PLEKHF1: variants seen among roughly 807,000 people sequenced by gnomAD.
PLEKHF1 encodes the protein pleckstrin homology and FYVE domain containing 1, also known as pleckstrin homology domain-containing family F member 1.
In PLEKHF1, 1 loss-of-function variant was observed where a neutral mutation model predicts 4.1. That is an observed-to-expected ratio of 0.24 (90% CI 0.09 to 1.15). PLEKHF1 has a LOEUF of 1.15. Among genes scored for constraint, PLEKHF1 ranks in the 50% most tolerant of loss-of-function variants. The pLI, the probability that PLEKHF1 is intolerant of heterozygous loss-of-function variation, is 0.52. For synonymous variants in PLEKHF1, 182 were observed against 178.5 expected (o/e 1.02, Z -0.16); for missense variants, 429 against 400.6 (o/e 1.07, Z -0.60).
intron 1 of PLEKHF1, among the ~76,000 whole-genome samples, chr19:29,666,688 G>A (rs573962486): frequency 2.0e-5 from 3 of 152,352 alleles, no homozygotes; most frequent in African/African-American, 4.8e-5. Flanking sequence ...TTTTGGAGCC[G>A]AGCTTCCTGA....
At chr19:29,668,416 TA>T (rs57550573) in intron 1 of PLEKHF1, among the ~76,000 whole-genome samples, 8,056 of 141,204 alleles carry the variant, frequency 0.057, 247 homozygotes, top group East Asian at 0.12. Context: ...TGAGAACAAT[TA>T]AAAAAAAAAA....
rs755803777 is a variant in PLEKHF1 at position 29,674,644 on chromosome 19, G to C, written c.805G>C (p.Ala269Pro). Residue 269 changes from alanine (A) to proline (P), a missense_variant, in exon 2 of 2, where the codon GCC becomes CCC. Coordinates refer to ENST00000436066, the MANE Select transcript of PLEKHF1 (RefSeq NM_024310.5). ...CTGGCCCAGCAGCGTGGAGTTCTAC[G>C]CCTCGGGGGTGGCCTGGTCTGCCTT... ...GDWPSSVEFY[A>P]SGVAWSAFHS is the part of the protein sequence containing the mutation. The C allele has an allele frequency of 6.2e-7, 1 of 1,609,506 alleles. No homozygotes were observed. The highest frequency in any genetic ancestry group is 8.5e-7 in the Non-Finnish European group (1 of 1,178,640).
rs774850981 is a variant in PLEKHF1, at chr19:29,674,023, C to T, written c.184C>T (p.Leu62=). The change falls in exon 2 of 2, where the codon CTG becomes TTG. Residue 62 remains leucine, a synonymous_variant. Transcript: ENST00000436066. ...PRIFFLFNDI[L]VYGSIVLNKR... The stretch of plus-strand genomic sequence containing the variant: ...CATCTTCTTCCTCTTTAACGACATC[C>T]TGGTGTATGGCAGCATCGTGCTCAA... 6.2e-7 allele frequency: 1 copy of T among 1,614,170 alleles called. No homozygotes were observed. The highest frequency in any genetic ancestry group is 8.5e-7 in the Non-Finnish European group (1 of 1,180,010).
In PLEKHF1 at chr19:29,674,287, A is replaced by AT; in HGVS notation, c.449dup (p.Asp152ArgfsTer34). ...CAGCACGGAGCACGCGGCACCCTGG[A>AT]TCCCCGACAAGGCCACGGACATCTG... On this transcript the variant is annotated frameshift_variant, in exon 2 of 2. Coordinates refer to ENST00000436066, the MANE Select transcript of PLEKHF1 (RefSeq NM_024310.5). LOFTEE classifies it low-confidence loss of function (END_TRUNC). 3.8e-6 allele frequency: 6 copies of AT among 1,596,734 alleles called. No individual in the cohort carries two copies. Among genetic ancestry groups the AT allele is most frequent in the Non-Finnish European group, 5.1e-6 (6 of 1,176,726 alleles).
intron 1 of PLEKHF1, chr19:29,665,724 G>T: frequency 9.1e-7 from 1 of 1,097,254 alleles, no homozygotes; most frequent in Non-Finnish European, 1.1e-6. Context: ...AGGGAGCCTG[G>T]GGAGAGCGGT....
rs2063004996 is a variant in PLEKHF1 at position 29,674,945 on chromosome 19, G to A, written c.*266G>A. The stretch of plus-strand genomic sequence containing the variant: ...AACGCCACCTTACACTCTGCAGGCT[G>A]CAGCGGCAGCTCCAGATGGCCTCCT... On this transcript the variant is annotated 3_prime_UTR_variant, in exon 2 of 2. Coordinates refer to ENST00000436066, the MANE Select transcript of PLEKHF1 (RefSeq NM_024310.5). The A allele has an allele frequency of 4.3e-6, 2 of 467,356 alleles. No homozygotes were observed. The highest frequency in any genetic ancestry group is 1.1e-4 in the South Asian group (2 of 17,902). The allele number at this position is 467,356 out of a possible 1,614,324, so 29.0% of individuals were successfully genotyped here.
At position 29,674,282 on chromosome 19, in the gene PLEKHF1, C is replaced by A; in HGVS notation, c.443C>A (p.Pro148His). The A allele has an allele frequency of 6.3e-7, 1 of 1,598,084 alleles. No homozygotes were observed. Among genetic ancestry groups the A allele is most frequent in the East Asian group, 2.3e-5 (1 of 44,430 alleles). The stretch of plus-strand genomic sequence containing the variant: ...CCGCCCAGCACGGAGCACGCGGCAC[C>A]CTGGATCCCCGACAAGGCCACGGAC... ...GRPPSTEHAA[P>H]WIPDKATDIC... is the part of the protein sequence containing the mutation. The change falls in exon 2 of 2, where the codon CCC (proline) becomes CAC (histidine). Residue 148 changes from proline (P) to histidine (H), a missense_variant. Physicochemically the swap from Pro to His is moderately conservative, Grantham distance 77. Coordinates refer to ENST00000436066, the MANE Select transcript of PLEKHF1 (RefSeq NM_024310.5).
intron 1 of PLEKHF1, among the ~76,000 whole-genome samples, chr19:29,670,315 C>A (rs1971616150): frequency 6.6e-6 from 1 of 152,174 alleles, no homozygotes; most frequent in Non-Finnish European, 1.5e-5. Flanking sequence ...CTGGCAACCA[C>A]CATTCTATTT....
chr19:29,672,199 T>C (rs1599510304), intron 1 of PLEKHF1, among the ~76,000 whole-genome samples: 1 of 152,186 alleles, frequency 6.6e-6, no homozygotes, highest in East Asian at 1.9e-4. Context: ...CAGCAGACCT[T>C]TTCTACAAAG....
At position 29,674,166 on chromosome 19, in the gene PLEKHF1, T is replaced by A; in HGVS notation, c.327T>A (p.Phe109Leu). The A allele has an allele frequency of 6.2e-7, 1 of 1,613,570 alleles. No individual in the cohort carries two copies. Among genetic ancestry groups the A allele is most frequent in the Non-Finnish European group, 8.5e-7 (1 of 1,179,932 alleles). ...TGATCAAGACGGCCAAGAAGTCCTT[T>A]GTGGTGTCGGCCGCCTCCGCTACGG... ...RWMIKTAKKS[F>L]VVSAASATER... The change falls in exon 2 of 2, where the codon TTT (phenylalanine) becomes TTA (leucine). Residue 109 changes from phenylalanine to leucine, a missense_variant. Physicochemically the swap from Phe to Leu is conservative, Grantham distance 22. Coordinates refer to ENST00000436066, the MANE Select transcript of PLEKHF1 (RefSeq NM_024310.5).
rs1971630788 is a variant in PLEKHF1 at position 29,671,415 on chromosome 19, G to A, written c.-16-2409G>A. ...TTGTTGTTTGCCGTCAGACCACATTGATCTGTATCTCTCATTGCGTGAGTA... is the reference window on the plus strand; with the variant it reads ...TTGTTGTTTGCCGTCAGACCACATTAATCTGTATCTCTCATTGCGTGAGTA... On this transcript the variant is annotated intron_variant, in intron 1 of 1. Transcript: ENST00000436066. This position sits in a 1 kb window ranked among gnomAD's most constrained non-coding sequence, Gnocchi z 4.0. 6.6e-6 allele frequency among the ~76,000 whole-genome samples: 1 copy of A among 152,146 alleles called. No individual in the cohort carries two copies. The highest frequency in any genetic ancestry group is 1.5e-5 in the Non-Finnish European group (1 of 68,028).
chr19:29,669,505 C>T (rs919223745), intron 1 of PLEKHF1, among the ~76,000 whole-genome samples: 1 of 152,216 alleles, frequency 6.6e-6, no homozygotes, highest in Non-Finnish European at 1.5e-5. Context: ...CCTGCAGGTG[C>T]CCAGGCCTGG....
In PLEKHF1 at chr19:29,674,710, C is replaced by T; in HGVS notation, c.*31C>T. On this transcript the variant is annotated 3_prime_UTR_variant, in exon 2 of 2. Coordinates refer to ENST00000436066, the MANE Select transcript of PLEKHF1 (RefSeq NM_024310.5). ...GGCCTGCAGAACATCTGTCCCCAAG[C>T]CAGCTCCACTGCCCAGGCCCCCAAG... The T allele has an allele frequency of 6.4e-7, 1 of 1,566,566 alleles. No individual in the cohort carries two copies. The highest frequency in any genetic ancestry group is 1.2e-5 in the South Asian group (1 of 84,296).
chr19:29,670,898 TCTCCTGACCTCATGATCC>T (rs1971624167), intron 1 of PLEKHF1, among the ~76,000 whole-genome samples: 1 of 151,956 alleles, frequency 6.6e-6, no homozygotes, highest in African/African-American at 2.4e-5. Context: ...ATGGTCTAGA[TCTCCTGACCTCATGATCC>T]CCCCTCCTCG....
chr19:29,673,289 C>A (rs1279173466), intron 1 of PLEKHF1, among the ~76,000 whole-genome samples: 1 of 152,148 alleles, frequency 6.6e-6, no homozygotes, highest in East Asian at 1.9e-4. Flanking sequence ...ACAGACCGTT[C>A]TGATGTCCCG....
At chr19:29,672,695 G>A (rs1971644616) in intron 1 of PLEKHF1, among the ~76,000 whole-genome samples, 1 of 152,194 alleles carries the variant, frequency 6.6e-6, no homozygotes, top group Non-Finnish European at 1.5e-5. Context: ...GATGAATGGT[G>A]GTGTCACTGA....
At position 29,665,512 on chromosome 19, in the gene PLEKHF1, C is replaced by A. The variant is rs770165149; in HGVS notation, c.-17+7C>A. On this transcript the variant is annotated splice_region_variant and intron_variant, in intron 1 of 1. Coordinates refer to ENST00000436066, the MANE Select transcript of PLEKHF1 (RefSeq NM_024310.5). ...CGCGGGGCCGGCGCAGAAGGTGAGT[C>A]CCCCCACCGTCCCCCGGCCGGGCTG... 4.1e-6 allele frequency: 5 copies of A among 1,217,152 alleles called. No individual in the cohort carries two copies. Among genetic ancestry groups the A allele is most frequent in the Admixed American group, 2.6e-5 (1 of 38,400 alleles). 75.4% of individuals were successfully genotyped at this position (1,217,152 alleles called of 1,614,324 possible). A position where few individuals can be genotyped will look rare whatever the true frequency, so the allele number is the denominator to read the frequency against.
rs752274213 is a variant in PLEKHF1 at position 29,674,366 on chromosome 19, G to T, written c.527G>T (p.Arg176Leu). 5 of 1,540,388 alleles carry T rather than the reference G, an allele frequency of 3.2e-6. No homozygotes were observed. The highest frequency in any genetic ancestry group is 1.9e-5 in the Admixed American group (1 of 51,890). Residue 176 changes from arginine (R) to leucine (L), a missense_variant, in exon 2 of 2, where the codon CGC becomes CTC. Physicochemically the swap from Arg to Leu is moderately radical, Grantham distance 102. Coordinates refer to ENST00000436066, the MANE Select transcript of PLEKHF1 (RefSeq NM_024310.5). Reference sequence around the variant, plus strand: ...GCCCTCACGAGGCGCCACCACTGCCGCAAGTGCGGCTTCGTGGTCTGCGCT... The same window carrying T: ...GCCCTCACGAGGCGCCACCACTGCCTCAAGTGCGGCTTCGTGGTCTGCGCT... ...FSALTRRHHC[R>L]KCGFVVCAEC...
rs559816842 is a variant in PLEKHF1 at position 29,674,385 on chromosome 19, C to T, written c.546C>T (p.Val182=). 15 of 1,535,136 alleles carry T rather than the reference C, an allele frequency of 9.8e-6. No individual in the cohort carries two copies. Among genetic ancestry groups the T allele is most frequent in the East Asian group, 4.9e-5 (2 of 40,820 alleles). Residue 182 remains valine (V), a synonymous_variant, in exon 2 of 2, where the codon GTC becomes GTT. Transcript: ENST00000436066. ...ACTGCCGCAAGTGCGGCTTCGTGGT[C>T]TGCGCTGAGTGCTCGCGCCAGCGCT... ...RHHCRKCGFV[V]CAECSRQRFL... is the part of the protein sequence containing the mutation.
Sources: gnomAD v4.1 joint callset for allele counts (sites outside exome capture counted in the v4.1 genomes callset) on GRCh38, gnomAD v4.1.1 for gene constraint, Gnocchi (gnomAD v3.1) non-coding constraint, MANE v1.5 for transcripts, NCBI Gene and HGNC (gene_info 2026-07-23, HGNC 2026-07-21) for gene names.